Variants in PLLP observed in about 807,000 individuals in gnomAD.
The protein encoded by PLLP is plasma membrane proteolipid (plasmolipin).
A neutral mutation model predicts 19.7 loss-of-function variants in PLLP; 15 were observed. The ratio of observed to expected loss-of-function variants is 0.76; its 90% CI spans 0.51 to 1.17. The LOEUF (loss-of-function observed/expected upper bound fraction) is 1.17, where lower values mean the gene tolerates loss of function less well. Ranked by LOEUF, PLLP falls within the 50% of genes most tolerant of loss-of-function variation. The pLI is 0.00. For missense variants in PLLP, 255 were observed against 258.3 expected (o/e 0.99, Z 0.09); for synonymous variants, 111 against 116.3 (o/e 0.95, Z 0.29).
At chr16:57,267,819 G>A (rs531904495) in intron 1 of PLLP, among the ~76,000 whole-genome samples, 13 of 148,958 alleles carry the variant, frequency 8.7e-5, no homozygotes, top group South Asian at 2.1e-4. Flanking sequence ...AGGTTGCAGT[G>A]AGCCGAGATC....
intron 1 of PLLP, among the ~76,000 whole-genome samples, chr16:57,283,467 C>G (rs758868578): frequency 2.5e-4 from 38 of 152,182 alleles, no homozygotes; most frequent in Non-Finnish European, 4.6e-4. Context: ...AATGTCCACT[C>G]GCTGGATTGC....
chr16:57,260,689 G>A (rs2075439285), intron 2 of PLLP, among the ~76,000 whole-genome samples: 1 of 151,706 alleles, frequency 6.6e-6, no homozygotes, highest in African/African-American at 2.4e-5. Context: ...TTCCGGGTCA[G>A]AGGAAAAAAA....
At chr16:57,269,136 C>T (rs1597962094) in intron 1 of PLLP, among the ~76,000 whole-genome samples, 1 of 152,302 alleles carries the variant, frequency 6.6e-6, no homozygotes, top group East Asian at 1.9e-4. Context: ...CCTTCACCCC[C>T]TGGCACAATG....
chr16:57,256,688 G>C lies in PLLP; in HGVS notation c.*225C>G. On this transcript the variant is annotated 3_prime_UTR_variant, in exon 4 of 4. Transcript: ENST00000219207. ...CATCTTCCACTGAATAAGGGGGATG[G>C]AGAAGAGGTCTCAGCAGTTGGCCTC... 1.8e-6 allele frequency: 1 copy of C among 544,850 alleles called. No individual in the cohort carries two copies. The highest frequency in any genetic ancestry group is 2.5e-5 in the South Asian group (1 of 40,042). The allele number at this position is 544,850 out of a possible 1,614,324, so 33.8% of individuals were successfully genotyped here.
chr16:57,271,485 A>C (rs1344786592), intron 1 of PLLP, among the ~76,000 whole-genome samples: 1 of 151,908 alleles, frequency 6.6e-6, no homozygotes, highest in East Asian at 1.9e-4. Context: ...CTCTAATAAA[A>C]ATACAAAAAG....
intron 1 of PLLP, among the ~76,000 whole-genome samples, chr16:57,280,500 A>T (rs956597258): frequency 1.3e-5 from 2 of 151,508 alleles, no homozygotes; most frequent in African/African-American, 2.4e-5. Context: ...TTTTTTTTTT[A>T]AAACCAAAAG....
rs1177628452 is a variant in PLLP at position 57,258,671 on chromosome 16, C to T, written c.310-87G>A. The T allele has an allele frequency of 3.6e-6, 5 of 1,372,804 alleles. No individual in the cohort carries two copies. The African/African-American group carries it at 4.3e-5, about 12-fold the overall frequency. The allele number at this position is 1,372,804 out of a possible 1,614,324, so 85.0% of individuals were successfully genotyped here. Reference sequence around the variant, plus strand: ...ACACGGTGGTTCACACCTGTAATCCCAGCACTTTGCGGGGCTGAAGTGGAA... The same window carrying T: ...ACACGGTGGTTCACACCTGTAATCCTAGCACTTTGCGGGGCTGAAGTGGAA... On this transcript the variant is annotated intron_variant, in intron 2 of 3. Coordinates refer to ENST00000219207, the MANE Select transcript of PLLP (RefSeq NM_015993.3).
intron 1 of PLLP, among the ~76,000 whole-genome samples, chr16:57,271,041 T>G (rs1318430793): frequency 2.0e-5 from 3 of 152,134 alleles, no homozygotes; most frequent in Non-Finnish European, 2.9e-5. Context: ...GGACCCTGCT[T>G]CCTGGGGCTA....
In PLLP at chr16:57,256,572, T is replaced by G. The variant is rs2075425942; in HGVS notation, c.*341A>C. Reference sequence around the variant, plus strand: ...GCTGCAGGTCTGGAGTCCTTGTTAGTGCATTTAGTGCTGGTGAGAAGGGTG... The same window carrying G: ...GCTGCAGGTCTGGAGTCCTTGTTAGGGCATTTAGTGCTGGTGAGAAGGGTG... On this transcript the variant is annotated 3_prime_UTR_variant, in exon 4 of 4. Transcript: ENST00000219207. 3 of 269,920 alleles carry G rather than the reference T, an allele frequency of 1.1e-5. No homozygotes were observed. The highest frequency in any genetic ancestry group is 4.4e-5 in the African/African-American group (2 of 45,698). 16.7% of individuals were successfully genotyped at this position (269,920 alleles called of 1,614,324 possible).
rs142797341 is a variant in PLLP at position 57,261,989 on chromosome 16, C to A, written c.217G>T (p.Ala73Ser). ...ATTGTCACCAGCCAGAGGAAGACAG[C>A]GACGAACATCACCCAGCCATAGGCC... ...YPAYGWVMFVAVFLWLVTIVL... is the reference protein window; with the variant it reads ...YPAYGWVMFVSVFLWLVTIVL... The change falls in exon 2 of 4, where the codon GCT (alanine) becomes TCT (serine). Residue 73 changes from alanine (A) to serine (S), a missense_variant. By Grantham distance (99) the Ala-to-Ser change is moderately conservative. Transcript: ENST00000219207. The A allele has an allele frequency of 1.4e-5, 22 of 1,613,980 alleles. No individual in the cohort carries two copies. The Admixed American group carries it at 3.7e-4, about 27-fold the overall frequency.
At chr16:57,258,340 T>C (rs1044672175) in intron 3 of PLLP, 122 bp downstream of exon 3, 43 of 950,230 alleles carry the variant, frequency 4.5e-5, no homozygotes, top group Non-Finnish European at 6.5e-5. Context: ...TAAGACCCAC[T>C]GAGTGTTCAG....
At chr16:57,274,165 T>G (rs1789888324) in intron 1 of PLLP, among the ~76,000 whole-genome samples, 1 of 152,130 alleles carries the variant, frequency 6.6e-6, no homozygotes, top group Non-Finnish European at 1.5e-5. Context: ...TAAATTTGTA[T>G]AGAGACAAGG....
At chr16:57,269,661 T>C (rs1187976974) in intron 1 of PLLP, among the ~76,000 whole-genome samples, 2 of 152,072 alleles carry the variant, frequency 1.3e-5, no homozygotes, top group Non-Finnish European at 2.9e-5. Flanking sequence ...ATGACTACAG[T>C]GGGCCGGGGA....
At chr16:57,283,902 G>A (rs1249674426) in intron 1 of PLLP, among the ~76,000 whole-genome samples, 1 of 152,190 alleles carries the variant, frequency 6.6e-6, no homozygotes. Flanking sequence ...ATGTTCATGG[G>A]TGCGGCCACC....
chr16:57,267,037 G>T (rs1222857088), intron 1 of PLLP, among the ~76,000 whole-genome samples: 2 of 152,140 alleles, frequency 1.3e-5, no homozygotes, highest in Non-Finnish European at 2.9e-5. Context: ...GCATCAGAGA[G>T]AAGATTCGTC....
chr16:57,279,362 C>T (rs1415011645), intron 1 of PLLP, among the ~76,000 whole-genome samples: 4 of 134,208 alleles, frequency 3.0e-5, no homozygotes, highest in African/African-American at 1.3e-4. Flanking sequence ...CTTCTTCTTC[C>T]TTTTTTTTTT....
At chr16:57,271,052 T>C (rs1312631072) in intron 1 of PLLP, among the ~76,000 whole-genome samples, 2 of 152,186 alleles carry the variant, frequency 1.3e-5, no homozygotes, top group Non-Finnish European at 2.9e-5. Context: ...CCTGGGGCTA[T>C]GGCAGGAGGA....
At chr16:57,258,652 T>G in intron 2 of PLLP, 68 bp from the exon 3 acceptor site, 17 of 1,517,008 alleles carry the variant, frequency 1.1e-5, no homozygotes, top group Non-Finnish European at 1.5e-5. Flanking sequence ...CCAGACACGG[T>G]GGTTCACACC....
intron 1 of PLLP, among the ~76,000 whole-genome samples, chr16:57,264,582 T>C (rs1266398552): frequency 6.6e-6 from 1 of 152,252 alleles, no homozygotes; most frequent in Non-Finnish European, 1.5e-5. Context: ...TGGTGGCTTA[T>C]GCCTGTAATC....
Sources: gnomAD v4.1 joint callset for allele counts (sites outside exome capture counted in the v4.1 genomes callset) on GRCh38, gnomAD v4.1.1 for gene constraint, MANE v1.5 for transcripts, NCBI Gene and HGNC (gene_info 2026-07-23, HGNC 2026-07-21) for gene names.